The following SMARCD2 variants were observed in gnomAD, a reference collection of about 807,000 sequenced individuals.
SMARCD2 encodes the protein SWI/SNF related BAF chromatin remodeling complex subunit D2.
In SMARCD2, 39 loss-of-function variants were observed where a neutral mutation model predicts 70.4. The observed-to-expected ratio is 0.55, with a 90% CI of 0.43 to 0.72. SMARCD2 has a LOEUF of 0.72. Among genes scored for constraint, SMARCD2 ranks in the 30% least tolerant of loss-of-function variants. The pLI is 0.00. For missense variants in SMARCD2, 540 were observed against 713.4 expected (o/e 0.76, Z 2.77); for synonymous variants, 249 against 279.4 (o/e 0.89, Z 1.08).
intron 5 of SMARCD2, 149 bp downstream of exon 5, chr17:63,835,263 C>T: frequency 1.4e-6 from 1 of 715,568 alleles, no homozygotes; most frequent in Non-Finnish European, 2.3e-6. Context: ...GCTGGGACTA[C>T]AGGTGCATGC....
rs1375674454 is a variant in SMARCD2 at position 63,834,446 on chromosome 17, C to A, written c.921+28G>T. 8.4e-6 allele frequency: 13 copies of A among 1,555,822 alleles called. No individual in the cohort carries two copies. Among genetic ancestry groups the A allele is most frequent in the Non-Finnish European group, 1.1e-5 (13 of 1,141,694 alleles). On this transcript the variant is annotated intron_variant, in intron 7 of 12. Transcript: ENST00000448276. This position sits in a 1 kb window ranked among gnomAD's most constrained non-coding sequence, Gnocchi z 5.6. ...CCCCTCCTGAGGGGTCCCTGTGGGCCCAGAAATGACCCCAGGGTCTCTGTC... is the reference window on the plus strand; with the variant it reads ...CCCCTCCTGAGGGGTCCCTGTGGGCACAGAAATGACCCCAGGGTCTCTGTC...
chr17:63,842,443 C>T lies in SMARCD2; in HGVS notation c.216+16G>A. 7.4e-7 allele frequency: 1 copy of T among 1,346,816 alleles called. No homozygotes were observed. The highest frequency in any genetic ancestry group is 1.7e-5 in the South Asian group (1 of 60,482). The allele number at this position is 1,346,816 out of a possible 1,614,324, so 83.4% of individuals were successfully genotyped here. ...AGCGCCTCTCGCCCCCGTCCGCTCG[C>T]GTCCTCCTTGCTCACCTGGTACTGC... On this transcript the variant is annotated intron_variant, in intron 1 of 12. Coordinates refer to ENST00000448276, the MANE Select transcript of SMARCD2 (RefSeq NM_001098426.2).
chr17:63,837,327 C>T lies in SMARCD2; in HGVS notation c.402-90G>A. The stretch of plus-strand genomic sequence containing the variant: ...GCCCCTCCAGTCTCCAGGACCCTCT[C>T]CCCCAGGAGAGCCTGGAGTCATCCT... On this transcript the variant is annotated intron_variant, in intron 2 of 12. Transcript: ENST00000448276. The surrounding 1 kb of genome is among the most constrained non-coding windows in gnomAD (Gnocchi z 6.4). The T allele has an allele frequency of 6.6e-7, 1 of 1,519,990 alleles. No homozygotes were observed. Among genetic ancestry groups the T allele is most frequent in the South Asian group, 1.1e-5 (1 of 89,122 alleles). 94.2% of individuals were successfully genotyped at this position (1,519,990 alleles called of 1,614,324 possible).
chr17:63,834,564 C>A lies in SMARCD2; in HGVS notation c.831G>T (p.Met277Ile). The A allele has an allele frequency of 1.2e-6, 2 of 1,603,784 alleles. No individual in the cohort carries two copies. Among genetic ancestry groups the A allele is most frequent in the South Asian group, 2.2e-5 (2 of 90,408 alleles). The change falls in exon 7 of 13, where the codon ATG becomes ATT. Residue 277 changes from methionine (M) to isoleucine (I), a missense_variant. Met to Ile is a conservative substitution (Grantham distance 10). Coordinates refer to ENST00000448276, the MANE Select transcript of SMARCD2 (RefSeq NM_001098426.2). This position sits in a 1 kb window ranked among gnomAD's most constrained non-coding sequence, Gnocchi z 5.6. Reference protein sequence around the residue: ...PDNHLVEWHRMPTTQETDGFQ... With the variant: ...PDNHLVEWHRIPTTQETDGFQ... Reference sequence around the variant, plus strand: ...AGCCATCTGTCTCCTGGGTGGTGGGCATCCGGTGCCACTGGCAGGGAGGGA... The same window carrying A: ...AGCCATCTGTCTCCTGGGTGGTGGGAATCCGGTGCCACTGGCAGGGAGGGA...
At chr17:63,838,577 G>C in intron 1 of SMARCD2, 1 of 1,428,318 alleles carries the variant, frequency 7.0e-7, no homozygotes, top group Non-Finnish European at 9.2e-7. Flanking sequence ...GACAGAAATA[G>C]CTTCTTTAGA....
rs1417678006 is a variant in SMARCD2, at chr17:63,832,235, C to T, written c.*703G>A. 1 of 533,090 alleles carries T rather than the reference C, an allele frequency of 1.9e-6. No homozygotes were observed. The highest frequency in any genetic ancestry group is 3.2e-5 in the Admixed American group (1 of 31,122). 33.0% of individuals were successfully genotyped at this position (533,090 alleles called of 1,614,324 possible). A position where few individuals can be genotyped will look rare whatever the true frequency, so the allele number is the denominator to read the frequency against. ...ACCCTGGCCTCCACATGCACATACC[C>T]CATACCTCAGGCCATGCTAGAGAAC... On this transcript the variant is annotated 3_prime_UTR_variant, in exon 13 of 13. Coordinates refer to ENST00000448276, the MANE Select transcript of SMARCD2 (RefSeq NM_001098426.2).
At position 63,834,279 on chromosome 17, in the gene SMARCD2, T is replaced by G; in HGVS notation, c.971A>C (p.His324Pro). The change falls in exon 8 of 13, where the codon CAC (histidine) becomes CCC (proline). Residue 324 changes from histidine to proline, a missense_variant. By Grantham distance (77) the His-to-Pro change is moderately conservative (BLOSUM62 -2). Coordinates refer to ENST00000448276, the MANE Select transcript of SMARCD2 (RefSeq NM_001098426.2). This position sits in a 1 kb window ranked among gnomAD's most constrained non-coding sequence, Gnocchi z 5.6. ...CATGATGGCGGCCCTCGTCTGCGTG[T>G]GCACTCCCAGCAGCCTTGCCAATCG... ...DPRLARLLGV[H>P]TQTRAAIMQA... The G allele has an allele frequency of 6.2e-7, 1 of 1,612,042 alleles. No homozygotes were observed. Among genetic ancestry groups the G allele is most frequent in the Non-Finnish European group, 8.5e-7 (1 of 1,179,156 alleles).
intron 4 of SMARCD2, 123 bp downstream of exon 4, chr17:63,836,799 T>G: frequency 1.2e-6 from 1 of 803,814 alleles, no homozygotes; most frequent in South Asian, 1.6e-5. Flanking sequence ...CGTACTCTAC[T>G]AGTGGGCTGC....
chr17:63,835,508 G>A lies in SMARCD2; in HGVS notation c.627C>T (p.Gly209=), dbSNP rs757925971. 125 of 1,613,838 alleles carry A rather than the reference G, an allele frequency of 7.7e-5. No individual in the cohort carries two copies. Among genetic ancestry groups the A allele is most frequent in the Non-Finnish European group, 1.0e-4 (118 of 1,179,844 alleles). The part of the protein sequence containing the change: ...SNTFSPSKAE[G]DSAGTAGTPG... ...GGGTCCCTGCAGTTCCTGCACTATC[G>A]CCTTCCGCCTTGCTGGGACTGAACG... The change falls in exon 5 of 13, where the codon GGC becomes GGT. Residue 209 remains glycine, a synonymous_variant. Coordinates refer to ENST00000448276, the MANE Select transcript of SMARCD2 (RefSeq NM_001098426.2).
chr17:63,835,668 C>G, intron 4 of SMARCD2, 101 bp from the exon 5 acceptor site: 2 of 1,102,402 alleles, frequency 1.8e-6, no homozygotes, highest in South Asian at 3.0e-5. Flanking sequence ...CAGTACTGAG[C>G]ACCATGAGCC....
At chr17:63,840,657 C>T (rs1210913303) in intron 1 of SMARCD2, among the ~76,000 whole-genome samples, 1 of 152,182 alleles carries the variant, frequency 6.6e-6, no homozygotes, top group East Asian at 1.9e-4. Context: ...ACAGGAACCC[C>T]TTTGTTTCCC....
In SMARCD2 at chr17:63,832,240, C is replaced by G; in HGVS notation, c.*698G>C. The G allele has an allele frequency of 1.9e-6, 1 of 518,020 alleles. No individual in the cohort carries two copies. Among genetic ancestry groups the G allele is most frequent in the South Asian group, 2.1e-5 (1 of 47,092 alleles). The allele number at this position is 518,020 out of a possible 1,614,324, so 32.1% of individuals were successfully genotyped here. On this transcript the variant is annotated 3_prime_UTR_variant, in exon 13 of 13. Coordinates refer to ENST00000448276, the MANE Select transcript of SMARCD2 (RefSeq NM_001098426.2). The stretch of plus-strand genomic sequence containing the variant: ...GGCCTCCACATGCACATACCCCATA[C>G]CTCAGGCCATGCTAGAGAACTGGAG...
rs749892273 is a variant in SMARCD2 at position 63,835,560 on chromosome 17, C to T, written c.575G>A (p.Arg192Gln). 1.9e-6 allele frequency: 3 copies of T among 1,613,634 alleles called. No homozygotes were observed. Among genetic ancestry groups the T allele is most frequent in the South Asian group, 1.1e-5 (1 of 91,058 alleles). ...EAIKKPLTQKRKLRIYISNTF... is the reference protein window; with the variant it reads ...EAIKKPLTQKQKLRIYISNTF... ...ATTGGAAATGTAGATCCGAAGCTTT[C>T]GCTTTTGCTAAAGAGAGAAAGGCAA... The change falls in exon 5 of 13, where the codon CGA (arginine) becomes CAA (glutamine). Residue 192 changes from arginine to glutamine, a missense_variant. By Grantham distance (43) the Arg-to-Gln change is conservative. Coordinates refer to ENST00000448276, the MANE Select transcript of SMARCD2 (RefSeq NM_001098426.2).
At chr17:63,836,215 C>G (rs1483129497) in intron 4 of SMARCD2, among the ~76,000 whole-genome samples, 4 of 151,520 alleles carry the variant, frequency 2.6e-5, no homozygotes, top group African/African-American at 9.7e-5. Flanking sequence ...CGGGACTGTT[C>G]TACATTATTA....
At position 63,838,646 on chromosome 17, in the gene SMARCD2, T is replaced by A. The variant is rs557118465; in HGVS notation, c.217-1021A>T. The A allele has an allele frequency of 1.4e-5, 21 of 1,494,218 alleles. No individual in the cohort carries two copies. The South Asian group carries it at 1.9e-4, about 14-fold the overall frequency. 92.6% of individuals were successfully genotyped at this position (1,494,218 alleles called of 1,614,324 possible). A position where few individuals can be genotyped will look rare whatever the true frequency, so the allele number is the denominator to read the frequency against. On this transcript the variant is annotated intron_variant, in intron 1 of 12. Coordinates refer to ENST00000448276, the MANE Select transcript of SMARCD2 (RefSeq NM_001098426.2). ...CTCCCTGACATTTCTGTGGAGCCCA[T>A]CTGGGAGTCACCTCCACCCCCACCC...
Position 63,832,164 on chromosome 17 carries a change from A to G in SMARCD2, c.*774T>C. The G allele has an allele frequency of 1.6e-6, 1 of 623,682 alleles. No individual in the cohort carries two copies. Among genetic ancestry groups the G allele is most frequent in the South Asian group, 1.9e-5 (1 of 51,970 alleles). The allele number at this position is 623,682 out of a possible 1,614,324, so 38.6% of individuals were successfully genotyped here. On this transcript the variant is annotated 3_prime_UTR_variant, in exon 13 of 13. Transcript: ENST00000448276. ...AGCCCTAGGCCCACCCTCCTCACCA[A>G]GCTCCAAAGGGCAACACCAGTCCTC...
intron 1 of SMARCD2, chr17:63,838,642 C>A: frequency 6.7e-7 from 1 of 1,495,720 alleles, no homozygotes; most frequent in Non-Finnish European, 8.9e-7. Flanking sequence ...TTCTGTGGAG[C>A]CCATCTGGGA....
At chr17:63,836,883 A>C (rs201568156) in intron 4 of SMARCD2, 39 bp downstream of exon 4, 421 of 1,587,284 alleles carry the variant, frequency 2.7e-4, no homozygotes, top group Non-Finnish European at 3.2e-4. Context: ...GAAGGCAAGG[A>C]AACCTGGGAA....
At position 63,837,206 on chromosome 17, in the gene SMARCD2, G is replaced by GAACC; in HGVS notation, c.429_432dup (p.Leu145GlyfsTer23). ...CTCTTAACACTTACTCGCTGAGGTA[G>GAACC]AACCTTATCTGCCATCTTCCTCCTC... is the stretch of plus-strand genomic sequence containing the variant. On this transcript the variant is annotated frameshift_variant, in exon 3 of 13. Transcript: ENST00000448276. LOFTEE classifies it high-confidence loss of function. The surrounding 1 kb of genome is among the most constrained non-coding windows in gnomAD (Gnocchi z 6.4). The GAACC allele has an allele frequency of 6.2e-7, 1 of 1,613,848 alleles. No homozygotes were observed. The highest frequency in any genetic ancestry group is 1.1e-5 in the South Asian group (1 of 91,084).
Sources: gnomAD v4.1 joint callset for allele counts (sites outside exome capture counted in the v4.1 genomes callset) on GRCh38, gnomAD v4.1.1 for gene constraint, Gnocchi (gnomAD v3.1) non-coding constraint, MANE v1.5 for transcripts, NCBI Gene and HGNC (gene_info 2026-07-23, HGNC 2026-07-21) for gene names.